SLC24A2: variants seen among roughly 807,000 people sequenced by gnomAD.
SLC24A2 encodes solute carrier family 24 member 2, also known as sodium/potassium/calcium exchanger 2.
In SLC24A2, 36 loss-of-function variants were observed where a neutral mutation model predicts 62.0. The observed-to-expected ratio is 0.58, with a 90% CI of 0.44 to 0.77. The LOEUF (loss-of-function observed/expected upper bound fraction) is 0.77, where lower values mean the gene tolerates loss of function less well. Among genes scored for constraint, SLC24A2 ranks in the 30% least tolerant of loss-of-function variants. The probability of loss-of-function intolerance (pLI) is 0.00; values close to 1 mark genes in which losing one functional copy is unlikely to be tolerated. For missense variants in SLC24A2, 846 were observed against 817.9 expected, an observed-to-expected ratio of 1.03 and a Z score of -0.42; for synonymous variants, 358 against 294.0, an observed-to-expected ratio of 1.22 and a Z score of -2.23.
the SLC24A2 span, among the ~76,000 whole-genome samples, chr9:20,158,696 A>G: frequency 6.6e-5 from 10 of 151,826 alleles, no homozygotes; most frequent in East Asian, 2.0e-3. Context: ...AAAAAATGAG[A>G]AAAGAAGGAA....
At chr9:20,040,625 T>C in the SLC24A2 span, among the ~76,000 whole-genome samples, 4 of 152,218 alleles carry the variant, frequency 2.6e-5, no homozygotes, top group African/African-American at 9.6e-5. Context: ...TCTAGACTTA[T>C]TCTTTGTGGC....
intron 4 of SLC24A2, among the ~76,000 whole-genome samples, chr9:19,606,723 A>C (rs1372397939): frequency 6.6e-6 from 1 of 151,974 alleles, no homozygotes; most frequent in African/African-American, 2.4e-5. Context: ...ATGCTGATTG[A>C]CTCTTTACAA....
chr9:19,753,477 G>A (rs1003540360), intron 2 of SLC24A2, among the ~76,000 whole-genome samples: 4 of 152,086 alleles, frequency 2.6e-5, no homozygotes, highest in African/African-American at 9.7e-5. Context: ...ATACAGTTGG[G>A]TGCTTATTAG....
At chr9:20,248,587 C>T in the SLC24A2 span, among the ~76,000 whole-genome samples, 2 of 152,084 alleles carry the variant, frequency 1.3e-5, no homozygotes, top group Non-Finnish European at 2.9e-5. Context: ...AATGAGGGCT[C>T]CACCCTCATG....
chr9:20,052,357 C>T, the SLC24A2 span, among the ~76,000 whole-genome samples: 13 of 152,172 alleles, frequency 8.5e-5, no homozygotes, highest in African/African-American at 2.4e-4. Context: ...TCTCCTTTGG[C>T]GTTATGATCA....
chr9:19,833,754 A>T, the SLC24A2 span, among the ~76,000 whole-genome samples: 1 of 152,240 alleles, frequency 6.6e-6, no homozygotes, highest in Non-Finnish European at 1.5e-5. Flanking sequence ...GCAGCTTGAG[A>T]TCTGAGAATA....
chr9:20,215,819 G>C, the SLC24A2 span, among the ~76,000 whole-genome samples: 4 of 151,824 alleles, frequency 2.6e-5, no homozygotes, highest in African/African-American at 7.2e-5. Flanking sequence ...CCTGGCTCCA[G>C]CCACTATGTT....
chr9:19,805,611 T>C, the SLC24A2 span, among the ~76,000 whole-genome samples: 1 of 152,186 alleles, frequency 6.6e-6, no homozygotes, highest in Non-Finnish European at 1.5e-5. Flanking sequence ...AAACATTTGT[T>C]GCCTGAGTGA....
At chr9:19,863,049 T>C in the SLC24A2 span, among the ~76,000 whole-genome samples, 1 of 151,750 alleles carries the variant, frequency 6.6e-6, no homozygotes, top group Non-Finnish European at 1.5e-5. Flanking sequence ...AATAAGGAGA[T>C]GGAAAATGAT....
chr9:19,930,935 T>C, the SLC24A2 span, among the ~76,000 whole-genome samples: 42 of 152,194 alleles, frequency 2.8e-4, no homozygotes, highest in Non-Finnish European at 4.6e-4. Context: ...CATCCCACAA[T>C]TGGTCAAGCA....
the SLC24A2 span, among the ~76,000 whole-genome samples, chr9:20,201,303 A>G: frequency 8.5e-5 from 13 of 152,206 alleles, no homozygotes; most frequent in Admixed American, 3.9e-4. Context: ...GGCTTCAACC[A>G]GCTTGCCAGG....
At chr9:20,100,136 G>A in the SLC24A2 span, among the ~76,000 whole-genome samples, 2 of 151,940 alleles carry the variant, frequency 1.3e-5, no homozygotes, top group Non-Finnish European at 2.9e-5. Flanking sequence ...CAGCTTCCCT[G>A]CCATAGCTGG....
chr9:19,999,099 GA>G, the SLC24A2 span, among the ~76,000 whole-genome samples: 1 of 152,228 alleles, frequency 6.6e-6, no homozygotes, highest in African/African-American at 2.4e-5. Context: ...GTAAAATGAA[GA>G]TGCTAATGCC....
At chr9:20,234,057 C>T in the SLC24A2 span, among the ~76,000 whole-genome samples, 7,088 of 152,250 alleles carry the variant, frequency 0.047, 493 homozygotes, top group African/African-American at 0.15. Flanking sequence ...TATTGGTCCC[C>T]ACTCTCTTCT....
At chr9:20,152,114 A>G in the SLC24A2 span, among the ~76,000 whole-genome samples, 1 of 151,924 alleles carries the variant, frequency 6.6e-6, no homozygotes, top group Non-Finnish European at 1.5e-5. Context: ...TTCCATCAAC[A>G]TTTGTGAAAG....
chr9:19,560,944 G>GACAGACAGAC (rs56842170), intron 7 of SLC24A2, among the ~76,000 whole-genome samples: 4,560 of 142,850 alleles, frequency 0.032, 84 homozygotes, highest in Non-Finnish European at 0.042. Context: ...GAGAGAGAGA[G>GACAGACAGAC]AGACAGAGTC....
chr9:20,214,054 G>A, the SLC24A2 span, among the ~76,000 whole-genome samples: 55 of 152,210 alleles, frequency 3.6e-4, no homozygotes, highest in African/African-American at 1.3e-3. Context: ...TTTTTTAAGA[G>A]TTAAAAATAT....
the SLC24A2 span, among the ~76,000 whole-genome samples, chr9:19,998,650 G>A: frequency 6.6e-6 from 1 of 152,228 alleles, no homozygotes; most frequent in African/African-American, 2.4e-5. Flanking sequence ...CCACATGGGT[G>A]TGCTTTCAGC....
At chr9:19,930,085 T>C in the SLC24A2 span, 5 of 152,186 alleles carry the variant, frequency 3.3e-5, no homozygotes, top group Non-Finnish European at 4.4e-5. Context: ...TAATTTATTA[T>C]TGAAGAAAAA....
Sources: gnomAD v4.1 joint callset for allele counts (sites outside exome capture counted in the v4.1 genomes callset) on GRCh38, gnomAD v4.1.1 for gene constraint, MANE v1.5 for transcripts, NCBI Gene and HGNC (gene_info 2026-07-23, HGNC 2026-07-21) for gene names.